Variants in INSC observed in about 807,000 individuals in gnomAD.
INSC encodes protein inscuteable homolog.
A neutral mutation model predicts 58.6 loss-of-function variants in INSC; 67 were observed. That is an observed-to-expected ratio of 1.14 (90% confidence interval 0.94 to 1.40). The LOEUF (loss-of-function observed/expected upper bound fraction) is 1.40. Ranked by LOEUF, INSC falls within the 40% of genes most tolerant of loss-of-function variation. INSC has a pLI of 0.00. For missense variants in INSC, 714 were observed against 692.0 expected (o/e 1.03, Z -0.36); for synonymous variants, 262 against 276.1 (o/e 0.95, Z 0.51).
intron 9 of INSC, among the ~76,000 whole-genome samples, chr11:15,230,001 A>ATTT (rs1564917655): frequency 4.0e-5 from 1 of 25,314 alleles, no homozygotes; most frequent in Non-Finnish European, 6.5e-5. Context: ...ATATATATAT[A>ATTT]TATATATATA....
intron 2 of INSC, among the ~76,000 whole-genome samples, chr11:15,160,491 G>T (rs1375626832): frequency 6.6e-6 from 1 of 152,178 alleles, no homozygotes; most frequent in Non-Finnish European, 1.5e-5. Context: ...GAGGGCACAG[G>T]TGATGGCTCC....
At chr11:15,121,015 C>A (rs905876437) in intron 1 of INSC, among the ~76,000 whole-genome samples, 2 of 150,584 alleles carry the variant, frequency 1.3e-5, no homozygotes, top group Non-Finnish European at 3.0e-5. Flanking sequence ...TAACATATTT[C>A]ACTGTATATT....
chr11:15,195,262 C>A (rs984693306), intron 6 of INSC, among the ~76,000 whole-genome samples: 5 of 152,134 alleles, frequency 3.3e-5, no homozygotes, highest in Non-Finnish European at 5.9e-5. Flanking sequence ...ATGATTAATT[C>A]CAAACAGTAA....
intron 5 of INSC, 74 bp downstream of exon 5, chr11:15,178,521 G>A: frequency 6.5e-7 from 1 of 1,542,802 alleles, no homozygotes. Context: ...GAGGGGCTGA[G>A]CCAGGCTTGG....
At chr11:15,196,147 A>C (rs1850360922) in intron 6 of INSC, among the ~76,000 whole-genome samples, 1 of 152,198 alleles carries the variant, frequency 6.6e-6, no homozygotes. Context: ...GATTATTTAC[A>C]TGGGCCACAC....
At chr11:15,150,207 T>A (rs1848606709) in intron 2 of INSC, among the ~76,000 whole-genome samples, 1 of 152,170 alleles carries the variant, frequency 6.6e-6, no homozygotes, top group Non-Finnish European at 1.5e-5. Context: ...ATTGTGTATG[T>A]ACTAGGGGCT....
At chr11:15,112,193 C>A (rs1847585715), upstream of INSC, among the ~76,000 whole-genome samples, 1 of 152,184 alleles carries the variant, frequency 6.6e-6, no homozygotes, top group East Asian at 1.9e-4. Context: ...CCTGAGCCAG[C>A]TAGGGCCGGC....
chr11:15,241,270 A>G (rs1376656795), intron 12 of INSC, among the ~76,000 whole-genome samples: 1 of 152,214 alleles, frequency 6.6e-6, no homozygotes, highest in East Asian at 1.9e-4. Flanking sequence ...CTTCCAGAAG[A>G]AAGTGCTGGC....
intron 8 of INSC, 94 bp downstream of exon 8, chr11:15,221,742 A>G: frequency 1.8e-6 from 2 of 1,120,170 alleles, no homozygotes; most frequent in Non-Finnish European, 2.5e-6. Flanking sequence ...TCTGCCACTC[A>G]TTGCACCCCA....
intron 10 of INSC, 125 bp from the exon 11 acceptor site, chr11:15,238,794 T>TG: frequency 1.1e-6 from 1 of 895,836 alleles, no homozygotes; most frequent in Admixed American, 2.8e-5. Flanking sequence ...TTCCTCCCTG[T>TG]GGGTGAGACC....
chr11:15,235,524 CT>C (rs1852088144), intron 9 of INSC, 77 bp from the exon 10 acceptor site: 2 of 1,108,806 alleles, frequency 1.8e-6, no homozygotes, highest in Admixed American at 1.7e-5. Flanking sequence ...TTTGTAGCCC[CT>C]GGCTGACCTG....
chr11:15,113,119 C>CTCTCTTTCTTTCTT (rs1554899334), upstream of INSC, among the ~76,000 whole-genome samples: 2 of 73,296 alleles, frequency 2.7e-5, no homozygotes, highest in South Asian at 5.2e-4. Context: ...TTCTCTCTCT[C>CTCTCTTTCTTTCTT]TCTTTCTTTC....
At chr11:15,201,017 G>T (rs964415993) in intron 7 of INSC, 68 bp downstream of exon 7, 3 of 1,522,476 alleles carry the variant, frequency 2.0e-6, no homozygotes, top group Non-Finnish European at 2.7e-6. Context: ...CAGGCCTCAT[G>T]ATGGCCATCT....
intron 2 of INSC, among the ~76,000 whole-genome samples, chr11:15,162,681 G>A (rs981648460): frequency 6.6e-6 from 1 of 152,210 alleles, no homozygotes; most frequent in Non-Finnish European, 1.5e-5. Context: ...AGCTAGAACA[G>A]TTCCTGGCAC....
intron 7 of INSC, among the ~76,000 whole-genome samples, chr11:15,213,566 C>T (rs998811740): frequency 2.0e-5 from 3 of 152,186 alleles, no homozygotes; most frequent in Admixed American, 6.5e-5. Flanking sequence ...GTTTGAAAAT[C>T]AGCTATAAGG....
intron 9 of INSC, among the ~76,000 whole-genome samples, chr11:15,230,546 C>T (rs1851888334): frequency 6.6e-6 from 1 of 152,212 alleles, no homozygotes; most frequent in South Asian, 2.1e-4. Context: ...TAGGGGATTA[C>T]AATTCAACAT....
chr11:15,235,250 G>GC, intron 9 of INSC: 1 of 333,636 alleles, frequency 3.0e-6, no homozygotes, highest in East Asian at 6.5e-5. Flanking sequence ...AGTTTCAGGG[G>GC]CCAGGGACCT....
upstream of INSC, among the ~76,000 whole-genome samples, chr11:15,111,679 G>C (rs1466644520): frequency 6.6e-6 from 1 of 152,102 alleles, no homozygotes; most frequent in East Asian, 1.9e-4. Flanking sequence ...CTCACCAGCT[G>C]TGAGGCCACA....
downstream of INSC, among the ~76,000 whole-genome samples, chr11:15,250,527 A>G (rs532227733): frequency 1.3e-5 from 2 of 152,250 alleles, no homozygotes; most frequent in African/African-American, 4.8e-5. Context: ...AGAATCCTCC[A>G]TTATTGCTCA....
Sources: allele counts gnomAD v4.1 joint callset (sites outside exome capture counted in the v4.1 genomes callset), GRCh38; gene constraint gnomAD v4.1.1; transcripts MANE v1.5; gene names NCBI Gene and HGNC (gene_info 2026-07-23, HGNC 2026-07-21).